Variants in TOM1L2 observed in about 807,000 individuals in gnomAD.
TOM1L2 encodes the protein target of myb1 like 2 membrane trafficking protein.
Under a neutral mutation model 67.9 loss-of-function variants are expected in TOM1L2, and 31 were observed. The observed-to-expected ratio is 0.46, with a 90% CI of 0.34 to 0.62. The LOEUF (loss-of-function observed/expected upper bound fraction) is 0.62. Among genes scored for constraint, TOM1L2 ranks in the 20% least tolerant of loss-of-function variants. TOM1L2 has a pLI of 0.01. For missense variants in TOM1L2, 606 were observed against 663.5 expected (o/e 0.91, Z 0.95); for synonymous variants, 256 against 254.0 (o/e 1.01, Z -0.07).
intron 1 of TOM1L2, among the ~76,000 whole-genome samples, chr17:17,917,271 G>A (rs1431215192): frequency 1.3e-5 from 2 of 151,924 alleles, no homozygotes; most frequent in African/African-American, 4.8e-5. Flanking sequence ...GGCAGAGGTT[G>A]CAAAATGAGC....
chr17:17,968,760 G>GCCAC (rs2041959213), intron 1 of TOM1L2, among the ~76,000 whole-genome samples: 1 of 151,474 alleles, frequency 6.6e-6, no homozygotes, highest in African/African-American at 2.4e-5. Context: ...ACTCCCCACA[G>GCCAC]CCACCTCTGC....
chr17:17,847,512 C>T lies in TOM1L2; in HGVS notation c.*123G>A. The T allele has an allele frequency of 7.6e-7, 1 of 1,323,128 alleles. No individual in the cohort carries two copies. The highest frequency in any genetic ancestry group is 2.4e-5 in the East Asian group (1 of 41,960). 82.0% of individuals were successfully genotyped at this position (1,323,128 alleles called of 1,614,324 possible). ...GGAGGCCTGGGAGCAGACACGGTGG[C>T]ATTTCCATGGAAACACAGGTGTGCA... On this transcript the variant is annotated 3_prime_UTR_variant, in exon 15 of 15. Coordinates refer to ENST00000379504, the MANE Select transcript of TOM1L2 (RefSeq NM_001082968.2).
At chr17:17,851,156 C>T in intron 12 of TOM1L2, 1 of 570,658 alleles carries the variant, frequency 1.8e-6, no homozygotes, top group Non-Finnish European at 3.1e-6. Flanking sequence ...CAATGAGGTG[C>T]AAATGATAAG....
rs75665393 is a variant in TOM1L2 at position 17,878,773 on chromosome 17, G to A, written c.777+854C>T. On this transcript the variant is annotated intron_variant, in intron 7 of 14. Transcript: ENST00000379504. ...CTTGCCTCCCATTGAAAAGTGTGTG[G>A]GGCCTTGCAGTTCACAGCATCCTTC... 3.1e-3 allele frequency among the ~76,000 whole-genome samples: 465 copies of A among 152,328 alleles called. 10 individuals are homozygous for A. The East Asian group carries it at 0.055, about 18-fold the overall frequency.
intron 12 of TOM1L2, among the ~76,000 whole-genome samples, chr17:17,854,542 A>G (rs145467981): frequency 8.4e-4 from 127 of 152,062 alleles, no homozygotes; most frequent in Middle Eastern, 6.8e-3. Context: ...TAATTTATTT[A>G]GAGACAGAGT....
chr17:17,958,565 C>G (rs996436888), intron 1 of TOM1L2, among the ~76,000 whole-genome samples: 62 of 152,138 alleles, frequency 4.1e-4, no homozygotes, highest in Non-Finnish European at 8.8e-5. Flanking sequence ...CCCTCCCTGC[C>G]CATATACAAA....
intron 1 of TOM1L2, among the ~76,000 whole-genome samples, chr17:17,929,404 G>A (rs1312545614): frequency 1.3e-5 from 2 of 152,198 alleles, no homozygotes; most frequent in African/African-American, 4.8e-5. Context: ...TTGGGAGGCA[G>A]GTGGATCACC....
intron 1 of TOM1L2, among the ~76,000 whole-genome samples, chr17:17,922,988 G>A (rs1193130329): frequency 1.3e-5 from 2 of 152,262 alleles, no homozygotes; most frequent in South Asian, 2.1e-4. Flanking sequence ...ACCAGGGACC[G>A]CAGGCATCAC....
chr17:17,902,271 A>G (rs2038891926), intron 2 of TOM1L2, among the ~76,000 whole-genome samples: 1 of 152,260 alleles, frequency 6.6e-6, no homozygotes, highest in South Asian at 2.1e-4. Context: ...GGCCTTAGGC[A>G]TCAGCATTCC....
Position 17,847,682 on chromosome 17 carries a change from C to T in TOM1L2, c.1477G>A (p.Gly493Ser), listed in dbSNP as rs761867100. 3.1e-6 allele frequency: 5 copies of T among 1,613,948 alleles called. No individual in the cohort carries two copies. Among genetic ancestry groups the T allele is most frequent in the Non-Finnish European group, 3.4e-6 (4 of 1,179,946 alleles). The change falls in exon 15 of 15, where the codon GGC becomes AGC. Residue 493 changes from glycine to serine, a missense_variant. By Grantham distance (56) the Gly-to-Ser change is moderately conservative (BLOSUM62 0). Around this residue, in one of 2 missense-constraint regions of TOM1L2, gnomAD observed 543 missense variants for 554.0 expected, o/e 0.98. Transcript: ENST00000379504. ...EAPAPASNPS[G>S]RKKPERSEDA... ...TCTGACCGCTCTGGCTTCTTCCGGC[C>T]AGAAGGGTTTGAGGCTGGGGCAGGA...
chr17:17,892,413 C>T lies in TOM1L2; in HGVS notation c.366+1248G>A, dbSNP rs188174407. ...CCCTTGTCTTGCCTCTGCCACAGCACTAATCACCCAGGCTGGATGTGCCTG... is the reference window on the plus strand; with the variant it reads ...CCCTTGTCTTGCCTCTGCCACAGCATTAATCACCCAGGCTGGATGTGCCTG... On this transcript the variant is annotated intron_variant, in intron 4 of 14. Coordinates refer to ENST00000379504, the MANE Select transcript of TOM1L2 (RefSeq NM_001082968.2). 2.5e-3 allele frequency among the ~76,000 whole-genome samples: 387 copies of T among 152,306 alleles called. 4 individuals carry two copies. Among genetic ancestry groups the T allele is most frequent in the African/African-American group, 8.9e-3 (369 of 41,544 alleles).
Position 17,898,582 on chromosome 17 carries a change from A to G in TOM1L2, c.216+14T>C. On this transcript the variant is annotated intron_variant, in intron 3 of 14. Coordinates refer to ENST00000379504, the MANE Select transcript of TOM1L2 (RefSeq NM_001082968.2). Reference sequence around the variant, plus strand: ...CCCCAGATGACTTCTCTCCTCAAGGAGAATAGCACTCACTGTTAATGCCAG... The same window carrying G: ...CCCCAGATGACTTCTCTCCTCAAGGGGAATAGCACTCACTGTTAATGCCAG... 6.2e-7 allele frequency: 1 copy of G among 1,614,034 alleles called. No individual in the cohort carries two copies. Among genetic ancestry groups the G allele is most frequent in the Middle Eastern group, 1.7e-4 (1 of 6,056 alleles).
intron 1 of TOM1L2, among the ~76,000 whole-genome samples, chr17:17,953,035 T>C (rs990225472): frequency 6.6e-6 from 1 of 152,274 alleles, no homozygotes; most frequent in African/African-American, 2.4e-5. Context: ...CACCCCTTCA[T>C]TTGGGAGGCT....
chr17:17,884,645 T>C lies in TOM1L2; in HGVS notation c.490A>G (p.Thr164Ala). Residue 164 changes from threonine to alanine, a missense_variant, in exon 5 of 15, where the codon ACA becomes GCA. Physicochemically the swap from Thr to Ala is moderately conservative, Grantham distance 58. Transcript: ENST00000379504. The stretch of plus-strand genomic sequence containing the variant: ...AGCTGGAAGCTTACCCGCTGTGGTG[T>C]GTGTATGGGAGACAGAGCGTCCAAG... ...ADLDALSPIH[T>A]PQRSVPEVDP... is the part of the protein sequence containing the mutation. The C allele has an allele frequency of 8.1e-6, 13 of 1,614,044 alleles. No homozygotes were observed. The highest frequency in any genetic ancestry group is 1.1e-5 in the Non-Finnish European group (13 of 1,180,006).
At chr17:17,931,894 T>C (rs781283244) in intron 1 of TOM1L2, among the ~76,000 whole-genome samples, 22 of 152,332 alleles carry the variant, frequency 1.4e-4, no homozygotes, top group African/African-American at 4.8e-4. Context: ...CAAATACCCA[T>C]GCAAATCACA....
At chr17:17,879,390 T>C (rs1466670482) in intron 7 of TOM1L2, among the ~76,000 whole-genome samples, 1 of 144,580 alleles carries the variant, frequency 6.9e-6, no homozygotes, top group African/African-American at 2.6e-5. Flanking sequence ...ATTCTACAAC[T>C]GGCATTTTAT....
chr17:17,852,535 G>T lies in TOM1L2; in HGVS notation c.1279-1583C>A, dbSNP rs140040482. On this transcript the variant is annotated intron_variant, in intron 12 of 14. Transcript: ENST00000379504. ...ACTGATCAGATTAGGAAGAGTCTGT[G>T]TTGCTCATTATTTCTTTGACTTACT... Among the ~76,000 whole-genome samples the T allele has an allele frequency of 1.4e-4, 22 of 152,326 alleles. No homozygotes were observed. In the East Asian group the frequency reaches 3.3e-3, roughly 23 times the overall value.
chr17:17,862,686 TC>T, intron 11 of TOM1L2, 44 bp downstream of exon 11: 1 of 1,510,834 alleles, frequency 6.6e-7, no homozygotes, highest in Non-Finnish European at 9.2e-7. Context: ...CATGGGTCAA[TC>T]CCCCCAATAT....
At chr17:17,909,305 T>C (rs1598313985) in intron 1 of TOM1L2, among the ~76,000 whole-genome samples, 1 of 152,106 alleles carries the variant, frequency 6.6e-6, no homozygotes, top group East Asian at 1.9e-4. Context: ...CAGAGTCATG[T>C]TCATAGCAGC....
Sources: allele counts gnomAD v4.1 joint callset (sites outside exome capture counted in the v4.1 genomes callset), GRCh38; gene constraint gnomAD v4.1.1; regional missense constraint gnomAD v4.1.1; transcripts MANE v1.5; gene names NCBI Gene and HGNC (gene_info 2026-07-23, HGNC 2026-07-21).